The following CNMD variants were observed in gnomAD, a reference collection of about 807,000 sequenced individuals.
CNMD encodes the protein leukocyte cell-derived chemotaxin 1.
A neutral mutation model predicts 37.5 loss-of-function variants in CNMD; 30 were observed. That is an observed-to-expected ratio of 0.80 (90% CI 0.60 to 1.09). The LOEUF (loss-of-function observed/expected upper bound fraction) is 1.09, where lower values mean the gene tolerates loss of function less well. CNMD is among the 50% of genes least tolerant of loss of function. The probability of loss-of-function intolerance (pLI) is 0.00; values close to 1 mark genes in which losing one functional copy is unlikely to be tolerated. For synonymous variants in CNMD, 167 were observed against 148.2 expected (o/e 1.13, Z -0.92); for missense variants, 398 against 423.9 (o/e 0.94, Z 0.54).
At chr13:52,731,885 C>T (rs1272661374) in intron 3 of CNMD, among the ~76,000 whole-genome samples, 1 of 152,076 alleles carries the variant, frequency 6.6e-6, no homozygotes, top group Non-Finnish European at 1.5e-5. Flanking sequence ...GCAGTAAAAG[C>T]CTTTAATAAG....
intron 4 of CNMD, among the ~76,000 whole-genome samples, chr13:52,721,704 A>T (rs1416831918): frequency 6.7e-6 from 1 of 150,256 alleles, no homozygotes; most frequent in Non-Finnish European, 1.5e-5. Context: ...TGTTGATCTC[A>T]CTGGGAGCTG....
intron 3 of CNMD, among the ~76,000 whole-genome samples, chr13:52,728,324 G>A (rs1274492215): frequency 1.3e-5 from 2 of 152,014 alleles, no homozygotes; most frequent in Non-Finnish European, 2.9e-5. Context: ...GTTGCAGTGA[G>A]CCAAGATTGC....
At chr13:52,720,906 C>T (rs577800610) in intron 4 of CNMD, among the ~76,000 whole-genome samples, 8 of 152,274 alleles carry the variant, frequency 5.3e-5, no homozygotes, top group Admixed American at 2.0e-4. Flanking sequence ...TGCTCACAGC[C>T]GCCCCTTCCC....
chr13:52,733,313 T>C lies in CNMD; in HGVS notation c.260A>G (p.Asp87Gly), dbSNP rs1025132438. Residue 87 changes from aspartate to glycine, a missense_variant, in exon 3 of 7, where the codon GAT (aspartate) becomes GGT (glycine). Transcript: ENST00000377962. ...CCCAGCGTCTATTTCCATTGACCCA[T>C]CTTGTAATTTCCCATTGATACTCAT... ...YTMSINGKLQ[D>G]GSMEIDAGNN... 1 of 1,613,740 alleles carries C rather than the reference T, an allele frequency of 6.2e-7. No individual in the cohort carries two copies.
chr13:52,711,565 C>T (rs1372883137), intron 5 of CNMD, among the ~76,000 whole-genome samples: 1 of 152,144 alleles, frequency 6.6e-6, no homozygotes, highest in East Asian at 1.9e-4. Context: ...AGTGGCTTGT[C>T]GCTGAATCCT....
chr13:52,712,122 G>A (rs1417932202), intron 5 of CNMD, among the ~76,000 whole-genome samples: 1 of 152,176 alleles, frequency 6.6e-6, no homozygotes, highest in Non-Finnish European at 1.5e-5. Context: ...TCAGGAGGGA[G>A]AGTGAGGCCC....
chr13:52,708,457 A>G (rs1190043573), intron 6 of CNMD, 79 bp downstream of exon 6: 4 of 1,311,836 alleles, frequency 3.0e-6, no homozygotes, highest in Non-Finnish European at 4.2e-6. Context: ...CTAGGATTAC[A>G]GGCGTAAGCC....
At chr13:52,710,115 G>A (rs1964268251) in intron 5 of CNMD, among the ~76,000 whole-genome samples, 1 of 152,224 alleles carries the variant, frequency 6.6e-6, no homozygotes, top group Admixed American at 6.5e-5. Flanking sequence ...GGTTTAAGCA[G>A]TGTGTTGCAT....
chr13:52,714,915 C>A (rs898988182), intron 4 of CNMD, among the ~76,000 whole-genome samples: 2 of 152,126 alleles, frequency 1.3e-5, no homozygotes, highest in South Asian at 4.1e-4. Context: ...CTGAAATAAA[C>A]CTTACCTTGT....
intron 5 of CNMD, among the ~76,000 whole-genome samples, chr13:52,709,313 T>C (rs948111263): frequency 2.0e-5 from 3 of 152,160 alleles, no homozygotes. Context: ...GAGTAGCTGA[T>C]AGTGTCAAAA....
rs534567657 is a variant in CNMD at position 52,738,965 on chromosome 13, C to T, written c.213+66G>A. The T allele has an allele frequency of 1.6e-3, 2,226 of 1,382,986 alleles. 33 individuals are homozygous for T. The African/African-American group carries it at 0.029, about 18-fold the overall frequency. 85.7% of individuals were successfully genotyped at this position (1,382,986 alleles called of 1,614,324 possible). On this transcript the variant is annotated intron_variant, in intron 2 of 6. Transcript: ENST00000377962. ...GCCGCGCGCCCCTCGCCGGCCCGCG[C>T]TCGGGCTCCCCCTAGGGGCACCATG...
intron 4 of CNMD, 90 bp from the exon 5 acceptor site, chr13:52,712,959 T>C (rs1324326788): frequency 2.9e-6 from 3 of 1,032,028 alleles, no homozygotes; most frequent in Admixed American, 5.6e-5. Flanking sequence ...TATTTTGCCT[T>C]ATAAAAAATT....
intron 2 of CNMD, among the ~76,000 whole-genome samples, chr13:52,735,361 G>A (rs1317309459): frequency 1.3e-5 from 1 of 77,038 alleles, no homozygotes; most frequent in Non-Finnish European, 3.0e-5. Flanking sequence ...TATGACAAGA[G>A]GTTCTGTGTT....
intron 3 of CNMD, among the ~76,000 whole-genome samples, chr13:52,732,744 C>G (rs1220412218): frequency 6.6e-6 from 1 of 152,168 alleles, no homozygotes; most frequent in African/African-American, 2.4e-5. Context: ...TTATTCATCA[C>G]GTTACAGAAA....
intron 6 of CNMD, 72 bp downstream of exon 6, chr13:52,708,464 A>G: frequency 7.1e-7 from 1 of 1,409,422 alleles, no homozygotes; most frequent in South Asian, 1.4e-5. Context: ...TACAGGCGTA[A>G]GCCACCACGC....
intron 2 of CNMD, among the ~76,000 whole-genome samples, chr13:52,735,916 G>T (rs998779589): frequency 3.5e-5 from 5 of 143,688 alleles, no homozygotes; most frequent in Middle Eastern, 3.8e-3. Flanking sequence ...TGCAACCTCC[G>T]CCTCCCAGGT....
chr13:52,703,634 T>C lies in CNMD; in HGVS notation c.966A>G (p.Pro322=), dbSNP rs1169684712. 6.2e-7 allele frequency: 1 copy of C among 1,613,616 alleles called. No individual in the cohort carries two copies. The highest frequency in any genetic ancestry group is 2.2e-5 in the East Asian group (1 of 44,876). ...GCRSACRVIM[P]CSWWVARILG... is the part of the protein sequence containing the mutation. ...AGATACGGGCCACCCACCAGCTACA[T>C]GGCATGATGACTCTGCAGGCCGAAC... Residue 322 remains proline (P), a synonymous_variant, in exon 7 of 7, where the codon CCA becomes CCG. Coordinates refer to ENST00000377962, the MANE Select transcript of CNMD (RefSeq NM_007015.3).
At chr13:52,736,636 T>G (rs1003929637) in intron 2 of CNMD, among the ~76,000 whole-genome samples, 2 of 152,238 alleles carry the variant, frequency 1.3e-5, no homozygotes, top group Non-Finnish European at 2.9e-5. Context: ...CACCCAAGGC[T>G]ATTTTTATCC....
chr13:52,739,504 T>A lies in CNMD; in HGVS notation c.72+126A>T. 3.4e-6 allele frequency: 3 copies of A among 873,350 alleles called. No homozygotes were observed. The highest frequency in any genetic ancestry group is 5.6e-6 in the Non-Finnish European group (3 of 534,734). 54.1% of individuals were successfully genotyped at this position (873,350 alleles called of 1,614,324 possible). ...CGTGGGGCGACATCCCACCCACACA[T>A]TTGGGACCCAAATTTATCCCCCCGC... On this transcript the variant is annotated intron_variant, in intron 1 of 6. Transcript: ENST00000377962. The surrounding 1 kb of genome is among the most constrained non-coding windows in gnomAD (Gnocchi z 5.4).
Sources: gnomAD v4.1 joint callset for allele counts (sites outside exome capture counted in the v4.1 genomes callset) on GRCh38, gnomAD v4.1.1 for gene constraint, Gnocchi (gnomAD v3.1) non-coding constraint, MANE v1.5 for transcripts, NCBI Gene and HGNC (gene_info 2026-07-23, HGNC 2026-07-21) for gene names.